TMED3: variants seen among roughly 807,000 people sequenced by gnomAD.
The protein encoded by TMED3 is transmembrane emp24 domain-containing protein 3.
TMED3 carries 9 observed loss-of-function variants against 15.0 expected under a neutral mutation model. The observed-to-expected ratio is 0.60, with a 90% CI of 0.36 to 1.04. The LOEUF is 1.04. TMED3 is among the 50% of genes least tolerant of loss of function. The pLI is 0.01. For missense variants in TMED3, 267 were observed against 278.9 expected, an observed-to-expected ratio of 0.96 and a Z score of 0.30; for synonymous variants, 117 against 121.4, an observed-to-expected ratio of 0.96 and a Z score of 0.24.
At chr15:79,339,597 G>T (rs538482115) in intron 2 of TMED3, among the ~76,000 whole-genome samples, 1 of 152,326 alleles carries the variant, frequency 6.6e-6, no homozygotes, top group South Asian at 2.1e-4. Flanking sequence ...AGTGATCATG[G>T]TAGTGGTCAT....
intron 2 of TMED3, among the ~76,000 whole-genome samples, chr15:79,353,499 A>AAAATTTTGTATATTTTAT (rs2058906279): frequency 7.2e-6 from 1 of 138,676 alleles, no homozygotes; most frequent in East Asian, 2.0e-4. Context: ...CTATGGCAAC[A>AAAATTTTGTATATTTTAT]AAATTTTATA....
intron 2 of TMED3, among the ~76,000 whole-genome samples, chr15:79,391,094 C>G (rs1016759566): frequency 2.6e-5 from 4 of 151,224 alleles, no homozygotes; most frequent in Non-Finnish European, 4.4e-5. Flanking sequence ...TAGTTCTGCT[C>G]TGATCCTGGT....
At chr15:79,369,372 C>T (rs182550996) in intron 2 of TMED3, among the ~76,000 whole-genome samples, 6 of 152,270 alleles carry the variant, frequency 3.9e-5, no homozygotes, top group East Asian at 1.9e-4. Flanking sequence ...CTAGCTTGAC[C>T]GCCTGGTAAG....
chr15:79,325,173 G>T (rs1210387566), downstream of TMED3, among the ~76,000 whole-genome samples: 1 of 152,162 alleles, frequency 6.6e-6, no homozygotes, highest in Non-Finnish European at 1.5e-5. Flanking sequence ...TTCAGAAATG[G>T]TCTAATGGTG....
At position 79,395,160 on chromosome 15, in the gene TMED3, A is replaced by T. The variant is rs114368689; in HGVS notation, c.418-16240A>T. Among the ~76,000 whole-genome samples the T allele has an allele frequency of 4.9e-3, 738 of 152,012 alleles. 8 individuals carry two copies. The highest frequency in any genetic ancestry group is 0.017 in the African/African-American group (723 of 41,464). On this transcript the variant is annotated intron_variant, in intron 2 of 2. Transcript: ENST00000424155. ...AACTCTCCTGATTTGGAAACTGTAG[A>T]TGATGTCCCTGGTTTTTTTGTTTTG... is the stretch of plus-strand genomic sequence containing the variant.
At chr15:79,319,401 TA>T (rs1196372537) in intron 2 of TMED3, among the ~76,000 whole-genome samples, 1 of 152,214 alleles carries the variant, frequency 6.6e-6, no homozygotes, top group Non-Finnish European at 1.5e-5. Flanking sequence ...GAATTAAGGA[TA>T]CCCAATGAGG....
intron 2 of TMED3, among the ~76,000 whole-genome samples, chr15:79,352,205 A>G (rs2058893608): frequency 6.6e-6 from 1 of 152,154 alleles, no homozygotes; most frequent in Admixed American, 6.6e-5. Flanking sequence ...CCTGTTCCCC[A>G]AAAAGCTATT....
At chr15:79,371,250 C>A (rs963045741) in intron 2 of TMED3, among the ~76,000 whole-genome samples, 2 of 152,026 alleles carry the variant, frequency 1.3e-5, no homozygotes, top group Admixed American at 6.6e-5. Flanking sequence ...ATGATGTATA[C>A]CAATGAGTTT....
At chr15:79,367,979 G>A (rs1196117565) in intron 2 of TMED3, among the ~76,000 whole-genome samples, 1 of 152,156 alleles carries the variant, frequency 6.6e-6, no homozygotes, top group Non-Finnish European at 1.5e-5. Context: ...TTAGAAGAAA[G>A]AATAGTGGTC....
chr15:79,327,429 A>T (rs796804843), downstream of TMED3, among the ~76,000 whole-genome samples: 8 of 152,262 alleles, frequency 5.3e-5, no homozygotes, highest in African/African-American at 1.9e-4. Context: ...TCTAGAAAAC[A>T]GGGATGATTA....
chr15:79,324,148 G>A (rs554814066), downstream of TMED3, among the ~76,000 whole-genome samples: 5 of 152,134 alleles, frequency 3.3e-5, no homozygotes, highest in East Asian at 1.9e-4. Flanking sequence ...CCGCCACCAC[G>A]CCCGGCTAAT....
chr15:79,327,653 C>T (rs1003920572), downstream of TMED3, among the ~76,000 whole-genome samples: 1 of 152,180 alleles, frequency 6.6e-6, no homozygotes, highest in African/African-American at 2.4e-5. Context: ...CTCACACGCA[C>T]CCAAAAAAAC....
intron 2 of TMED3, among the ~76,000 whole-genome samples, chr15:79,396,195 C>T (rs994527153): frequency 6.6e-6 from 1 of 152,206 alleles, no homozygotes; most frequent in African/African-American, 2.4e-5. Context: ...TTAACTCCTT[C>T]TAGTGAGGTG....
At chr15:79,411,474 C>T (rs753170941) in exon 3 of TMED3, 7 of 702,346 alleles carry the variant, frequency 1.0e-5, no homozygotes, top group South Asian at 7.4e-5. Flanking sequence ...CACCTGCCAC[C>T]GAGGGACTGG....
chr15:79,382,835 G>A, intron 2 of TMED3: 1 of 810,240 alleles, frequency 1.2e-6, no homozygotes. Context: ...TCAGATATAG[G>A]TGCAGGGAAG....
intron 2 of TMED3, among the ~76,000 whole-genome samples, chr15:79,348,747 A>G (rs954427475): frequency 2.6e-5 from 4 of 152,202 alleles, no homozygotes; most frequent in Non-Finnish European, 5.9e-5. Flanking sequence ...CCTCTTTTCT[A>G]TAATGGCTGC....
intron 2 of TMED3, among the ~76,000 whole-genome samples, chr15:79,377,584 A>G (rs569690527): frequency 6.6e-6 from 1 of 151,484 alleles, no homozygotes; most frequent in South Asian, 2.1e-4. Context: ...GTAGTGAAGG[A>G]CTCTGGTAGC....
Position 79,367,789 on chromosome 15 carries a change from G to A in TMED3, c.418-43611G>A, listed in dbSNP as rs185810925. On this transcript the variant is annotated intron_variant, in intron 2 of 2. Transcript: ENST00000424155. ...ATCAATACGTGGAAATTGCACATTG[G>A]TTTTGCCCTAAAGGGTTAAATGTCT... 1.3e-3 allele frequency among the ~76,000 whole-genome samples: 199 copies of A among 152,318 alleles called. 1 individual carries two copies. Among genetic ancestry groups the A allele is most frequent in the Middle Eastern group, 6.8e-3 (2 of 294 alleles).
In TMED3 at chr15:79,322,191, A is replaced by G. The variant is rs762783894; in HGVS notation, c.631A>G (p.Ile211Val). The G allele has an allele frequency of 1.9e-5, 31 of 1,614,028 alleles. No homozygotes were observed. Among genetic ancestry groups the G allele is most frequent in the South Asian group, 9.9e-5 (9 of 91,038 alleles). ...AAGCTTCTTCACAGAAAAACGACCC[A>G]TCAGCAGGGCAGTCCACTCCTAGCC... Reference protein sequence around the residue: ...LKSFFTEKRPISRAVHS With the variant: ...LKSFFTEKRPVSRAVHS Residue 211 changes from isoleucine to valine, a missense_variant, in exon 3 of 3, where the codon ATC becomes GTC. Coordinates refer to ENST00000299705, the MANE Select transcript of TMED3 (RefSeq NM_007364.4).
Sources: gnomAD v4.1 joint callset for allele counts (sites outside exome capture counted in the v4.1 genomes callset) on GRCh38, gnomAD v4.1.1 for gene constraint, MANE v1.5 for transcripts, NCBI Gene and HGNC (gene_info 2026-07-23, HGNC 2026-07-21) for gene names.